The following KALRN variants were observed in gnomAD, a reference collection of about 807,000 sequenced individuals.
KALRN encodes kalirin RhoGEF kinase.
In KALRN, 70 loss-of-function variants were observed where a neutral mutation model predicts 353.7. The observed-to-expected ratio is 0.20, with a 90% CI of 0.16 to 0.24. The LOEUF (loss-of-function observed/expected upper bound fraction) is 0.24. KALRN is among the 10% of genes least tolerant of loss of function. The pLI, the probability that KALRN is intolerant of heterozygous loss-of-function variation, is 1.00. For synonymous variants in KALRN, 1,391 were observed against 1,434.8 expected (o/e 0.97, Z 0.69); for missense variants, 2,791 against 3,756.7 (o/e 0.74, Z 6.72).
intron 33 of KALRN, 56 bp downstream of exon 33, chr3:124,496,469 C>G: frequency 4.0e-6 from 5 of 1,256,666 alleles, no homozygotes; most frequent in South Asian, 1.2e-5. Flanking sequence ...CTCAACCACC[C>G]CTGGAGAGGT....
chr3:124,493,350 C>A (rs1259357991), intron 32 of KALRN, among the ~76,000 whole-genome samples: 2 of 152,140 alleles, frequency 1.3e-5, no homozygotes, highest in African/African-American at 4.8e-5. Context: ...GGTCTTACTG[C>A]AACCCCCACA....
chr3:124,071,564 C>T (rs2060020477), intron 1 of KALRN, among the ~76,000 whole-genome samples: 1 of 152,148 alleles, frequency 6.6e-6, no homozygotes, highest in Admixed American at 6.5e-5. Context: ...ATATATTGCT[C>T]ATAGTTCTGG....
chr3:124,248,685 T>G (rs1346847034), intron 3 of KALRN, among the ~76,000 whole-genome samples: 3 of 152,220 alleles, frequency 2.0e-5, no homozygotes, highest in African/African-American at 7.2e-5. Flanking sequence ...TCTCAGAGCC[T>G]CCTTCCTCTC....
chr3:124,632,483 C>T lies in KALRN; in HGVS notation c.5246C>T (p.Ala1749Val). Residue 1749 changes from alanine to valine, a missense_variant, in exon 35 of 60, where the codon GCC (alanine) becomes GTC (valine). By Grantham distance (64) the Ala-to-Val change is moderately conservative. Transcript: ENST00000682506. ...TCCGAGTCCGTGGCCAACCTGCAGG[C>T]CCAGCCCTCCCTGAACTCCATCCAC... ...GKSESVANLQ[A>V]QPSLNSIHSS... 1.2e-6 allele frequency: 2 copies of T among 1,614,110 alleles called. No individual in the cohort carries two copies. The highest frequency in any genetic ancestry group is 1.7e-6 in the Non-Finnish European group (2 of 1,179,984).
chr3:124,629,715 C>A (rs976155848), intron 34 of KALRN, among the ~76,000 whole-genome samples: 5 of 152,204 alleles, frequency 3.3e-5, no homozygotes, highest in African/African-American at 1.2e-4. Flanking sequence ...AGCTAAAGTC[C>A]ATACCAGCCC....
At chr3:124,596,350 A>T (rs1197372617) in intron 34 of KALRN, among the ~76,000 whole-genome samples, 2 of 151,986 alleles carry the variant, frequency 1.3e-5, no homozygotes, top group Non-Finnish European at 2.9e-5. Flanking sequence ...GCCTGTAATC[A>T]CAGCTACTTG....
intron 5 of KALRN, among the ~76,000 whole-genome samples, chr3:124,297,205 A>G (rs2076915746): frequency 1.3e-5 from 2 of 152,250 alleles, no homozygotes; most frequent in African/African-American, 4.8e-5. Flanking sequence ...TCTTCTGTTC[A>G]AGGGACATAA....
At chr3:124,109,089 A>G (rs2062594429) in intron 1 of KALRN, among the ~76,000 whole-genome samples, 1 of 152,170 alleles carries the variant, frequency 6.6e-6, no homozygotes, top group Non-Finnish European at 1.5e-5. Context: ...GAGGCTCAAC[A>G]TCATCACTAG....
At position 124,334,833 on chromosome 3, in the gene KALRN, C is replaced by T. The variant is rs144860168; in HGVS notation, c.1647+338C>T. 5.2e-4 allele frequency among the ~76,000 whole-genome samples: 79 copies of T among 152,262 alleles called. No individual in the cohort carries two copies. The highest frequency in any genetic ancestry group is 1.7e-3 in the African/African-American group (72 of 41,550). ...TTTTGGAAACAGAGTCTCGCTCTGC[C>T]GCCTGGGCTGGAGTATAGTGGTGTG... On this transcript the variant is annotated intron_variant, in intron 9 of 59. Transcript: ENST00000682506. This position sits in a 1 kb window ranked among gnomAD's most constrained non-coding sequence, Gnocchi z 4.2.
chr3:124,527,183 G>A (rs2067661475), intron 33 of KALRN, among the ~76,000 whole-genome samples: 1 of 152,198 alleles, frequency 6.6e-6, no homozygotes, highest in Admixed American at 6.5e-5. Context: ...AGAGCACTAG[G>A]AAATTCATCC....
chr3:124,715,743 C>T (rs1163058475), intron 58 of KALRN, among the ~76,000 whole-genome samples: 1 of 152,214 alleles, frequency 6.6e-6, no homozygotes, highest in Non-Finnish European at 1.5e-5. Flanking sequence ...CATCAGGCTC[C>T]TCTGCATGGG....
At chr3:124,145,351 C>G (rs2067202931) in intron 1 of KALRN, among the ~76,000 whole-genome samples, 1 of 152,172 alleles carries the variant, frequency 6.6e-6, no homozygotes, top group African/African-American at 2.4e-5. Context: ...GCCTATGGAA[C>G]CTGAAAAACG....
intron 33 of KALRN, chr3:124,519,020 C>T (rs1200813464): frequency 5.1e-6 from 5 of 986,160 alleles, no homozygotes; most frequent in South Asian, 9.4e-5. Context: ...TAACTTTAGC[C>T]TTTCCCAAAC....
At chr3:124,694,187 C>T in intron 52 of KALRN, 145 bp from the exon 53 acceptor site, 1 of 725,200 alleles carries the variant, frequency 1.4e-6, no homozygotes, top group Non-Finnish European at 2.3e-6. Context: ...TAAAGAGACC[C>T]AGATGACTCA....
chr3:124,413,761 T>G, intron 14 of KALRN, 96 bp downstream of exon 14: 1 of 964,560 alleles, frequency 1.0e-6, no homozygotes, highest in Non-Finnish European at 1.5e-6. Flanking sequence ...TTATTCATTT[T>G]ATTCCTACAG....
intron 1 of KALRN, among the ~76,000 whole-genome samples, chr3:124,102,919 C>T (rs1249057271): frequency 6.6e-6 from 1 of 152,104 alleles, no homozygotes; most frequent in Non-Finnish European, 1.5e-5. Context: ...CTCATTATGC[C>T]TTTCTGAGAT....
chr3:124,658,046 T>TG (rs948439134), intron 41 of KALRN, among the ~76,000 whole-genome samples: 34 of 152,074 alleles, frequency 2.2e-4, no homozygotes, highest in African/African-American at 4.3e-4. Context: ...CCTAGCCACT[T>TG]GGGGGGGCGG....
At chr3:124,225,103 A>G (rs942801466) in intron 1 of KALRN, among the ~76,000 whole-genome samples, 4 of 152,178 alleles carry the variant, frequency 2.6e-5, no homozygotes, top group African/African-American at 9.7e-5. Flanking sequence ...CCTTTATTAT[A>G]TATTCCAACA....
At chr3:124,698,732 CT>C (rs1225548513) in intron 55 of KALRN, among the ~76,000 whole-genome samples, 6 of 152,200 alleles carry the variant, frequency 3.9e-5, no homozygotes, top group Admixed American at 6.5e-5. Context: ...TCTACACCCC[CT>C]ATCCCCAGAT....
Sources: allele counts gnomAD v4.1 joint callset (sites outside exome capture counted in the v4.1 genomes callset), GRCh38; gene constraint gnomAD v4.1.1; non-coding constraint Gnocchi (gnomAD v3.1); transcripts MANE v1.5; gene names NCBI Gene and HGNC (gene_info 2026-07-23, HGNC 2026-07-21).